Variants in TENM2 observed in about 807,000 individuals in gnomAD.
TENM2 encodes the protein teneurin transmembrane protein 2.
A neutral mutation model predicts 245.2 loss-of-function variants in TENM2; 52 were observed. The observed-to-expected ratio is 0.21, with a 90% CI of 0.17 to 0.27. The LOEUF is 0.27. TENM2 is among the 10% of genes least tolerant of loss of function. The pLI is 1.00. For missense variants in TENM2, 3,046 were observed against 3,666.8 expected (o/e 0.83, Z 4.37); for synonymous variants, 1,363 against 1,438.9 (o/e 0.95, Z 1.19).
At chr5:168,048,903 G>A (rs986198662) in intron 6 of TENM2, among the ~76,000 whole-genome samples, 8 of 152,044 alleles carry the variant, frequency 5.3e-5, no homozygotes, top group Admixed American at 1.3e-4. Flanking sequence ...TTCCATAATC[G>A]GGTAAGTTAA....
At chr5:168,057,748 G>C (rs1182925551) in intron 6 of TENM2, among the ~76,000 whole-genome samples, 3 of 152,074 alleles carry the variant, frequency 2.0e-5, no homozygotes, top group Non-Finnish European at 2.9e-5. Context: ...CACAAGAAAA[G>C]TTATTTCAAT....
the TENM2 span, among the ~76,000 whole-genome samples, chr5:166,993,523 C>T: frequency 6.6e-6 from 1 of 152,060 alleles, no homozygotes; most frequent in African/African-American, 2.4e-5. Context: ...ACAGATGCTG[C>T]GGTTGGAAGA....
chr5:167,502,280 TTTTG>T (rs1365027279), intron 2 of TENM2, among the ~76,000 whole-genome samples: 1 of 152,214 alleles, frequency 6.6e-6, no homozygotes, highest in Non-Finnish European at 1.5e-5. Flanking sequence ...ATTTCTTCTT[TTTTG>T]TTTAAGAATT....
chr5:167,878,025 A>C (rs970256839), intron 3 of TENM2, among the ~76,000 whole-genome samples: 2 of 152,210 alleles, frequency 1.3e-5, no homozygotes, highest in African/African-American at 4.8e-5. Flanking sequence ...GCTTTTAAAA[A>C]CTATATCCTT....
At chr5:168,237,550 T>A (rs1400249823) in intron 25 of TENM2, among the ~76,000 whole-genome samples, 1 of 152,048 alleles carries the variant, frequency 6.6e-6, no homozygotes, top group Non-Finnish European at 1.5e-5. Flanking sequence ...AGGTATGGTT[T>A]TGGTATGGCA....
At chr5:167,780,477 G>A (rs1449260388) in intron 2 of TENM2, among the ~76,000 whole-genome samples, 2 of 152,070 alleles carry the variant, frequency 1.3e-5, no homozygotes, top group Non-Finnish European at 2.9e-5. Flanking sequence ...TCCCACATTT[G>A]TGTACTTTTT....
the TENM2 span, among the ~76,000 whole-genome samples, chr5:167,248,317 G>A: frequency 6.6e-6 from 1 of 152,102 alleles, no homozygotes; most frequent in African/African-American, 2.4e-5. Context: ...CGTGTTGAGC[G>A]TCCAAAATGT....
At chr5:167,810,350 G>A (rs1766543093) in intron 2 of TENM2, among the ~76,000 whole-genome samples, 2 of 152,032 alleles carry the variant, frequency 1.3e-5, no homozygotes, top group African/African-American at 4.8e-5. Flanking sequence ...AGTTTCCAGT[G>A]TAACTTGAAA....
At chr5:167,279,517 CCTTCCTT>C in the TENM2 span, among the ~76,000 whole-genome samples, 105 of 91,874 alleles carry the variant, frequency 1.1e-3, 2 homozygotes, top group South Asian at 1.9e-3. Context: ...TCCTTCCTTT[CCTTCCTT>C]CCTTCCTTCC....
At chr5:167,424,511 GATA>G (rs1222075460) in intron 2 of TENM2, among the ~76,000 whole-genome samples, 2 of 152,038 alleles carry the variant, frequency 1.3e-5, no homozygotes, top group Non-Finnish European at 2.9e-5. Flanking sequence ...TATTTAAAAG[GATA>G]ATAATTTTGC....
At chr5:168,038,566 G>A (rs906110044) in intron 5 of TENM2, among the ~76,000 whole-genome samples, 25 of 152,212 alleles carry the variant, frequency 1.6e-4, no homozygotes, top group Admixed American at 1.4e-3. Flanking sequence ...AGAGGGCTTA[G>A]AACAGTGGTT....
At chr5:167,160,649 T>G in the TENM2 span, among the ~76,000 whole-genome samples, 1 of 152,248 alleles carries the variant, frequency 6.6e-6, no homozygotes, top group Admixed American at 6.5e-5. Context: ...CTCAATCTAC[T>G]TAGGCTTTTT....
the TENM2 span, among the ~76,000 whole-genome samples, chr5:167,146,536 A>G: frequency 3.3e-5 from 5 of 152,270 alleles, no homozygotes; most frequent in South Asian, 4.1e-4. Context: ...AAATGAAATG[A>G]AAGACTTGAC....
intron 1 of TENM2, among the ~76,000 whole-genome samples, chr5:167,298,803 A>C (rs1755127777): frequency 6.6e-6 from 1 of 152,194 alleles, no homozygotes; most frequent in Non-Finnish European, 1.5e-5. Flanking sequence ...TAGCACGAGG[A>C]GGTATCAGCT....
At chr5:167,356,293 T>C (rs1759330696) in intron 1 of TENM2, among the ~76,000 whole-genome samples, 1 of 151,762 alleles carries the variant, frequency 6.6e-6, no homozygotes, top group African/African-American at 2.4e-5. Flanking sequence ...AGAGATATGC[T>C]TTGTGACTTC....
chr5:168,113,157 A>AT (rs144728994), intron 9 of TENM2, among the ~76,000 whole-genome samples: 77 of 150,364 alleles, frequency 5.1e-4, no homozygotes, highest in Non-Finnish European at 8.6e-4. Flanking sequence ...TCTCTACCGA[A>AT]TTTTTTTTTT....
intron 5 of TENM2, among the ~76,000 whole-genome samples, chr5:168,012,370 C>G (rs1252335836): frequency 6.6e-6 from 1 of 151,986 alleles, no homozygotes; most frequent in African/African-American, 2.4e-5. Context: ...AGGCCAGGCA[C>G]AGAGGCTCAC....
chr5:167,758,805 C>T (rs1218731918), intron 2 of TENM2, among the ~76,000 whole-genome samples: 1 of 151,940 alleles, frequency 6.6e-6, no homozygotes, highest in Admixed American at 6.6e-5. Flanking sequence ...TTTAAATAGT[C>T]CCCTTATTAA....
intron 12 of TENM2, among the ~76,000 whole-genome samples, chr5:168,142,693 C>G (rs1755662723): frequency 1.3e-5 from 2 of 152,200 alleles, no homozygotes; most frequent in African/African-American, 4.8e-5. Context: ...TTTTTCCTCC[C>G]AGGCTGTGGC....
Sources: allele counts gnomAD v4.1 joint callset (sites outside exome capture counted in the v4.1 genomes callset), GRCh38; gene constraint gnomAD v4.1.1; transcripts MANE v1.5; gene names NCBI Gene and HGNC (gene_info 2026-07-23, HGNC 2026-07-21).